SLC11A2: variants seen among roughly 807,000 people sequenced by gnomAD.
SLC11A2 encodes the protein solute carrier family 11 member 2.
Under a neutral mutation model 68.0 loss-of-function variants are expected in SLC11A2, and 38 were observed. The ratio of observed to expected loss-of-function variants is 0.56; its 90% CI spans 0.43 to 0.73. The LOEUF is 0.73. Among genes scored for constraint, SLC11A2 ranks in the 30% least tolerant of loss-of-function variants. SLC11A2 has a pLI of 0.00. For synonymous variants in SLC11A2, 242 were observed against 250.6 expected, an observed-to-expected ratio of 0.97 and a Z score of 0.32; for missense variants, 517 against 690.5, an observed-to-expected ratio of 0.75 and a Z score of 2.82.
At chr12:51,018,973 C>T (rs574570502) in intron 1 of SLC11A2, among the ~76,000 whole-genome samples, 18 of 152,138 alleles carry the variant, frequency 1.2e-4, no homozygotes, top group African/African-American at 4.1e-4. Flanking sequence ...TCACCTTCCT[C>T]ATCTCAATAA....
the SLC11A2 span, chr12:50,970,447 C>T: frequency 1.4e-6 from 2 of 1,476,972 alleles, no homozygotes; most frequent in Non-Finnish European, 1.9e-6. Flanking sequence ...TCTAGGTGTT[C>T]TCTATTCTAT....
downstream of SLC11A2, among the ~76,000 whole-genome samples, chr12:50,977,561 A>T (rs1185428543): frequency 1.3e-5 from 2 of 152,220 alleles, no homozygotes; most frequent in Non-Finnish European, 2.9e-5. Flanking sequence ...AAACCTAGGC[A>T]TTACCATTCA....
At chr12:51,016,579 G>A (rs1371491917) in intron 1 of SLC11A2, among the ~76,000 whole-genome samples, 2 of 152,084 alleles carry the variant, frequency 1.3e-5, no homozygotes, top group Non-Finnish European at 2.9e-5. Context: ...CTACTCAGGA[G>A]GCTGAGGCAG....
chr12:51,000,446 G>A (rs1487224268), intron 5 of SLC11A2, 27 bp from the exon 6 acceptor site: 12 of 1,523,358 alleles, frequency 7.9e-6, no homozygotes, highest in Middle Eastern at 1.7e-4. Context: ...AGAAAGACAC[G>A]GTTCTGATTA....
At chr12:50,988,479 AGCCATGACT>A in intron 15 of SLC11A2, 44 bp from the exon 16 acceptor site, 1 of 1,612,790 alleles carries the variant, frequency 6.2e-7, no homozygotes, top group Non-Finnish European at 8.5e-7. Flanking sequence ...CTCTTTGAAG[AGCCATGACT>A]GCTCACACAG....
downstream of SLC11A2, chr12:50,981,067 A>T (rs1055261778): frequency 9.9e-5 from 15 of 152,244 alleles, no homozygotes; most frequent in South Asian, 2.1e-4. Flanking sequence ...GACAAAGACA[A>T]TAATTACAAA....
At chr12:51,005,144 T>C (rs554844040) in intron 4 of SLC11A2, among the ~76,000 whole-genome samples, 167 bp downstream of exon 4, 1 of 152,246 alleles carries the variant, frequency 6.6e-6, no homozygotes, top group African/African-American at 2.4e-5. Context: ...AAGGAAACTA[T>C]GTGGATAAAA....
intron 1 of SLC11A2, among the ~76,000 whole-genome samples, chr12:51,016,422 G>A (rs1006273693): frequency 1.3e-5 from 2 of 151,608 alleles, no homozygotes; most frequent in African/African-American, 4.8e-5. Context: ...AGTGGCTCAC[G>A]CCTGTAATCC....
At chr12:51,024,260 T>C (rs1366342604) in intron 1 of SLC11A2, 1 of 152,266 alleles carries the variant, frequency 6.6e-6, no homozygotes, top group Non-Finnish European at 1.5e-5. Flanking sequence ...GAAGGCTTTT[T>C]AAGGCCATAG....
chr12:50,972,495 T>C, the SLC11A2 span, among the ~76,000 whole-genome samples: 1 of 152,350 alleles, frequency 6.6e-6, no homozygotes, highest in Non-Finnish European at 1.5e-5. Context: ...CTTGTAGCCA[T>C]TGCCATGTTC....
chr12:50,989,335 C>T (rs976948270), intron 15 of SLC11A2, among the ~76,000 whole-genome samples: 5 of 152,082 alleles, frequency 3.3e-5, no homozygotes, highest in Admixed American at 6.6e-5. Flanking sequence ...ACTAAAAATA[C>T]AAAAATTAGC....
At chr12:51,007,947 A>C (rs192346637) in intron 3 of SLC11A2, among the ~76,000 whole-genome samples, 22 of 152,214 alleles carry the variant, frequency 1.4e-4, no homozygotes, top group Non-Finnish European at 2.6e-4. Context: ...CCAGAGTTTG[A>C]CTCTTTTTCA....
At chr12:50,970,685 C>A in the SLC11A2 span, among the ~76,000 whole-genome samples, 2 of 152,160 alleles carry the variant, frequency 1.3e-5, no homozygotes, top group South Asian at 2.1e-4. Context: ...CATAAACAGT[C>A]AACTCAGAAA....
At chr12:50,968,532 G>A in the SLC11A2 span, among the ~76,000 whole-genome samples, 5 of 151,882 alleles carry the variant, frequency 3.3e-5, no homozygotes, top group Admixed American at 1.3e-4. Context: ...GACTACAGGC[G>A]TGTGCCACCA....
the SLC11A2 span, among the ~76,000 whole-genome samples, chr12:50,972,469 G>C: frequency 4.6e-5 from 7 of 152,198 alleles, no homozygotes; most frequent in African/African-American, 7.2e-5. Context: ...GGTCACAATC[G>C]AATCACTCGG....
At chr12:51,026,025 A>C in intron 1 of SLC11A2, 1 of 1,050,766 alleles carries the variant, frequency 9.5e-7, no homozygotes, top group Non-Finnish European at 1.1e-6. Context: ...GAGCTGGGCC[A>C]TGTGTCCTAG....
upstream of SLC11A2, among the ~76,000 whole-genome samples, chr12:51,028,854 C>T (rs1286590680): frequency 6.6e-6 from 1 of 151,872 alleles, no homozygotes; most frequent in Non-Finnish European, 1.5e-5. Context: ...ATCAGAGCCA[C>T]GCAAACTCCG....
At position 50,988,226 on chromosome 12, in the gene SLC11A2, G is replaced by T; in HGVS notation, c.*99C>A. 1 of 1,592,776 alleles carries T rather than the reference G, an allele frequency of 6.3e-7. No homozygotes were observed. Among genetic ancestry groups the T allele is most frequent in the Non-Finnish European group, 8.5e-7 (1 of 1,169,680 alleles). ...AACCAACGGTTGAGTCATAAACACAGTCTGTGCAACGGCACATACTTTTGG... is the reference window on the plus strand; with the variant it reads ...AACCAACGGTTGAGTCATAAACACATTCTGTGCAACGGCACATACTTTTGG... On this transcript the variant is annotated 3_prime_UTR_variant, in exon 16 of 16. Transcript: ENST00000262052.
chr12:50,952,269 G>A, the SLC11A2 span, among the ~76,000 whole-genome samples: 7 of 151,892 alleles, frequency 4.6e-5, no homozygotes, highest in Non-Finnish European at 8.8e-5. Context: ...CAGGTGGTTC[G>A]CCAAAAATAT....
Sources: gnomAD v4.1 joint callset for allele counts (sites outside exome capture counted in the v4.1 genomes callset) on GRCh38, gnomAD v4.1.1 for gene constraint, MANE v1.5 for transcripts, NCBI Gene and HGNC (gene_info 2026-07-23, HGNC 2026-07-21) for gene names.